Variants in ATG13 observed in about 807,000 individuals in gnomAD.
ATG13 encodes autophagy related 13, also known as autophagy-related protein 13.
Under a neutral mutation model 65.5 loss-of-function variants are expected in ATG13, and 23 were observed. The ratio of observed to expected loss-of-function variants is 0.35; its 90% CI spans 0.25 to 0.50. ATG13 has a LOEUF of 0.50. Ranked by LOEUF, ATG13 falls within the 20% of genes least tolerant of loss-of-function variation. The pLI, the probability that ATG13 is intolerant of heterozygous loss-of-function variation, is 0.98. For synonymous variants in ATG13, 252 were observed against 245.2 expected, an observed-to-expected ratio of 1.03 and a Z score of -0.26; for missense variants, 566 against 677.0, an observed-to-expected ratio of 0.84 and a Z score of 1.82.
At chr11:46,663,398 T>A (rs2061593084) in intron 11 of ATG13, among the ~76,000 whole-genome samples, 1 of 152,066 alleles carries the variant, frequency 6.6e-6, no homozygotes, top group Non-Finnish European at 1.5e-5. Context: ...TTCATCAGGT[T>A]CACCTATGCC....
chr11:46,627,583 G>T (rs1355611275), intron 1 of ATG13, among the ~76,000 whole-genome samples: 1 of 151,490 alleles, frequency 6.6e-6, no homozygotes, highest in Non-Finnish European at 1.5e-5. Context: ...CGATTCTCCT[G>T]CCTCAGCCTC....
At chr11:46,670,220 C>T (rs1369913223) in intron 18 of ATG13, among the ~76,000 whole-genome samples, 2 of 152,152 alleles carry the variant, frequency 1.3e-5, no homozygotes, top group Non-Finnish European at 2.9e-5. Context: ...CAGTGGCTCA[C>T]GCCTGTAATC....
At position 46,672,294 on chromosome 11, in the gene ATG13, G is replaced by A. The variant is rs2063943678; in HGVS notation, c.1615G>A (p.Val539Ile). The A allele has an allele frequency of 8.7e-6, 14 of 1,614,270 alleles. No homozygotes were observed. The highest frequency in any genetic ancestry group is 1.2e-5 in the Non-Finnish European group (14 of 1,180,052). The change falls in exon 19 of 19, where the codon GTC (valine) becomes ATC (isoleucine). Residue 539 changes from valine (V) to isoleucine (I), a missense_variant. Around this residue, in one of 2 missense-constraint regions of ATG13, gnomAD observed 387 missense variants for 409.8 expected, o/e 0.94. Coordinates refer to ENST00000683050, the MANE Select transcript of ATG13 (RefSeq NM_001346311.2). ...GAAGCTGGCTGTGCATGAGAAGAAT[G>A]TCCGCGAGTTTGATGCCTTTGTGGA... Reference protein sequence around the residue: ...PEKLAVHEKNVREFDAFVETL... With the variant: ...PEKLAVHEKNIREFDAFVETL...
chr11:46,662,690 A>ACAGT (rs1465808997), intron 11 of ATG13, among the ~76,000 whole-genome samples: 3 of 152,200 alleles, frequency 2.0e-5, no homozygotes, highest in Non-Finnish European at 4.4e-5. Context: ...CAGTAGAGAG[A>ACAGT]CAGTCATTTG....
At chr11:46,633,845 C>T (rs990806801) in intron 2 of ATG13, among the ~76,000 whole-genome samples, 2 of 152,144 alleles carry the variant, frequency 1.3e-5, no homozygotes, top group African/African-American at 2.4e-5. Context: ...TAAACAGTCT[C>T]TTTTAACTTG....
chr11:46,648,184 C>T (rs2058125387), intron 5 of ATG13, among the ~76,000 whole-genome samples: 1 of 152,020 alleles, frequency 6.6e-6, no homozygotes, highest in African/African-American at 2.4e-5. Context: ...CAACCTTCCC[C>T]TCCTGGGTTC....
rs373254182 is a variant in ATG13, at chr11:46,645,430, A to G, written c.150+11A>G. The stretch of plus-strand genomic sequence containing the variant: ...ACGGGTTCAGATTGGGTAAAATTCT[A>G]TTATTTACTAAGGTGTATACTGTAG... On this transcript the variant is annotated intron_variant, in intron 4 of 18. Coordinates refer to ENST00000683050, the MANE Select transcript of ATG13 (RefSeq NM_001346311.2). The G allele has an allele frequency of 8.8e-5, 141 of 1,608,164 alleles. 1 individual carries two copies. Among genetic ancestry groups the G allele is most frequent in the Middle Eastern group, 5.0e-4 (3 of 6,050 alleles).
At chr11:46,661,810 G>A (rs1336249210) in intron 11 of ATG13, among the ~76,000 whole-genome samples, 1 of 152,098 alleles carries the variant, frequency 6.6e-6, no homozygotes, top group African/African-American at 2.4e-5. Flanking sequence ...CAGCCTGGGT[G>A]ACAGAGCGAG....
At chr11:46,641,825 C>T (rs1446342934) in intron 2 of ATG13, among the ~76,000 whole-genome samples, 1 of 150,024 alleles carries the variant, frequency 6.7e-6, no homozygotes, top group Non-Finnish European at 1.5e-5. Context: ...CAGTGGAGCA[C>T]CCATGGCTCA....
At chr11:46,661,972 TA>T (rs922756653) in intron 11 of ATG13, among the ~76,000 whole-genome samples, 1 of 152,246 alleles carries the variant, frequency 6.6e-6, no homozygotes, top group African/African-American at 2.4e-5. Context: ...ATTCTTGTTC[TA>T]AAGTTGCCAG....
chr11:46,669,603 G>A (rs1352693978), intron 18 of ATG13, 71 bp downstream of exon 18: 11 of 1,542,478 alleles, frequency 7.1e-6, no homozygotes, highest in Non-Finnish European at 9.7e-6. Context: ...AGGCCTAGGA[G>A]GCCTACCACC....
At chr11:46,645,735 A>T (rs1212969791) in intron 4 of ATG13, 135 bp from the exon 5 acceptor site, 2 of 1,251,320 alleles carry the variant, frequency 1.6e-6, no homozygotes, top group Admixed American at 2.4e-5. Flanking sequence ...ATTATCCCTT[A>T]TGGGGAAGGG....
chr11:46,639,948 G>C (rs1300210747), intron 2 of ATG13, among the ~76,000 whole-genome samples: 1 of 150,796 alleles, frequency 6.6e-6, no homozygotes, highest in South Asian at 2.1e-4. Flanking sequence ...CTGCCTCCCA[G>C]GCTCAAGCAA....
In ATG13 at chr11:46,620,242, C is replaced by T. The variant is rs1197158979; in HGVS notation, c.-70+2352C>T. Among the ~76,000 whole-genome samples, 5 of 150,316 alleles carry T rather than the reference C, an allele frequency of 3.3e-5. No individual in the cohort carries two copies. The East Asian group carries it at 8.5e-4, about 26-fold the overall frequency. ...CCAAGTAGCTGGGATTACAGGCGCC[C>T]GCCACCACGCCTGGCTAAGTTTTTG... On this transcript the variant is annotated intron_variant, in intron 1 of 18. Transcript: ENST00000683050.
chr11:46,649,243 A>T (rs2058409070), intron 6 of ATG13, 60 bp downstream of exon 6: 5 of 1,556,676 alleles, frequency 3.2e-6, no homozygotes, highest in Non-Finnish European at 4.4e-6. Flanking sequence ...AGATGACATC[A>T]TGTGAAAAGC....
chr11:46,645,496 A>G (rs1156961507), intron 4 of ATG13, 77 bp downstream of exon 4: 10 of 1,191,122 alleles, frequency 8.4e-6, no homozygotes, highest in African/African-American at 3.1e-5. Context: ...AAGTGCAATA[A>G]TAAGTAATAC....
rs181669691 is a variant in ATG13, at chr11:46,663,221, G to T, written c.790-776G>T. Among the ~76,000 whole-genome samples, 25 of 123,768 alleles carry T rather than the reference G, an allele frequency of 2.0e-4. 1 individual carries two copies. The East Asian group carries it at 6.0e-3, about 30-fold the overall frequency. 81.2% of individuals were successfully genotyped at this position (123,768 alleles called of 152,430 possible). A position where few individuals can be genotyped will look rare whatever the true frequency, so the allele number is the denominator to read the frequency against. On this transcript the variant is annotated intron_variant, in intron 11 of 18. Coordinates refer to ENST00000683050, the MANE Select transcript of ATG13 (RefSeq NM_001346311.2). ...GTGGACATTGCAGTGAGCCAAGATC[G>T]CACCACTGCACTCCAGCCTGGGCGA...
chr11:46,659,506 G>A, intron 11 of ATG13, 21 bp downstream of exon 11: 2 of 1,589,054 alleles, frequency 1.3e-6, no homozygotes, highest in Non-Finnish European at 1.7e-6. Context: ...GCAGGTTCTG[G>A]GGTGGTGGTA....
chr11:46,660,387 T>TG (rs1491161268), intron 11 of ATG13, among the ~76,000 whole-genome samples: 1 of 10,096 alleles, frequency 9.9e-5, no homozygotes, highest in Non-Finnish European at 9.1e-4. Flanking sequence ...TTGTTGTTGG[T>TG]TTTTTTTTTT....
Sources: gnomAD v4.1 joint callset for allele counts (sites outside exome capture counted in the v4.1 genomes callset) on GRCh38, gnomAD v4.1.1 for gene constraint, gnomAD v4.1.1 regional missense constraint, MANE v1.5 for transcripts, NCBI Gene and HGNC (gene_info 2026-07-23, HGNC 2026-07-21) for gene names.